The following GUCY1A2 variants were observed in gnomAD, a reference collection of about 807,000 sequenced individuals.
GUCY1A2 encodes the protein guanylate cyclase soluble subunit alpha-2.
GUCY1A2 carries 27 observed loss-of-function variants against 63.5 expected under a neutral mutation model. That is an observed-to-expected ratio of 0.43 (90% CI 0.31 to 0.59). The LOEUF is 0.59. GUCY1A2 is among the 20% of genes least tolerant of loss of function. GUCY1A2 has a pLI of 0.11. For synonymous variants in GUCY1A2, 364 were observed against 343.5 expected (o/e 1.06, Z -0.66); for missense variants, 768 against 913.3 (o/e 0.84, Z 2.05).
intron 6 of GUCY1A2, among the ~76,000 whole-genome samples, chr11:106,733,163 C>A (rs1340365627): frequency 6.6e-6 from 1 of 152,108 alleles, no homozygotes; most frequent in Non-Finnish European, 1.5e-5. Context: ...GTTTTTTAAA[C>A]TGCTGGTTGC....
chr11:106,742,766 T>C (rs901893913), intron 6 of GUCY1A2, among the ~76,000 whole-genome samples: 1 of 152,222 alleles, frequency 6.6e-6, no homozygotes, highest in African/African-American at 2.4e-5. Flanking sequence ...ATTGCCACAC[T>C]GTCTTCCACA....
intron 4 of GUCY1A2, among the ~76,000 whole-genome samples, chr11:106,816,732 G>C (rs544314434): frequency 4.5e-4 from 68 of 151,376 alleles, no homozygotes; most frequent in Middle Eastern, 3.4e-3. Flanking sequence ...TGACAGCTAA[G>C]TAAACAAAAA....
intron 4 of GUCY1A2, among the ~76,000 whole-genome samples, chr11:106,880,426 G>T (rs1044774392): frequency 1.3e-5 from 2 of 151,886 alleles, no homozygotes; most frequent in African/African-American, 4.8e-5. Flanking sequence ...GCCCACTGCC[G>T]CTGGACCACA....
chr11:106,734,049 T>C (rs1375593183), intron 6 of GUCY1A2, among the ~76,000 whole-genome samples: 1 of 152,146 alleles, frequency 6.6e-6, no homozygotes, highest in Admixed American at 6.5e-5. Context: ...AGACAAACTA[T>C]ACTGAGTTTC....
At chr11:107,017,677 C>T (rs1343950920) in intron 1 of GUCY1A2, 76 bp downstream of exon 1, 4 of 885,054 alleles carry the variant, frequency 4.5e-6, no homozygotes, top group Admixed American at 4.3e-5. Flanking sequence ...GCTCGCGCCC[C>T]GGCTCGCCCA....
Position 106,846,768 on chromosome 11 carries a change from G to T in GUCY1A2, c.1207-36290C>A, listed in dbSNP as rs1859278985. Among the ~76,000 whole-genome samples the T allele has an allele frequency of 2.6e-5, 4 of 151,326 alleles. No individual in the cohort carries two copies. In the South Asian group the frequency reaches 8.3e-4, roughly 31 times the overall value. On this transcript the variant is annotated intron_variant, in intron 4 of 7. Coordinates refer to ENST00000526355, the MANE Select transcript of GUCY1A2 (RefSeq NM_000855.3). Reference sequence around the variant, plus strand: ...TTTCCTCTTATTTTCCTAAACTAGAGAACTGAACAAATGAAATAGAAAATT... The same window carrying T: ...TTTCCTCTTATTTTCCTAAACTAGATAACTGAACAAATGAAATAGAAAATT...
chr11:106,704,794 T>C (rs1862878646), intron 7 of GUCY1A2, among the ~76,000 whole-genome samples: 1 of 151,848 alleles, frequency 6.6e-6, no homozygotes, highest in African/African-American at 2.4e-5. Context: ...TTCTGTTTTA[T>C]AGATCAGCAG....
At chr11:106,833,533 C>T (rs1341831959) in intron 4 of GUCY1A2, among the ~76,000 whole-genome samples, 2 of 152,122 alleles carry the variant, frequency 1.3e-5, no homozygotes, top group South Asian at 2.1e-4. Context: ...TACTATCTAC[C>T]GTACTATTTA....
intron 4 of GUCY1A2, among the ~76,000 whole-genome samples, chr11:106,891,878 C>A (rs61635490): frequency 1.3e-5 from 2 of 152,038 alleles, no homozygotes; most frequent in Admixed American, 6.6e-5. Context: ...TCTTAGCTAA[C>A]CTAAGCATTT....
At chr11:106,888,230 G>C (rs554063433) in intron 4 of GUCY1A2, among the ~76,000 whole-genome samples, 1 of 152,022 alleles carries the variant, frequency 6.6e-6, no homozygotes, top group Non-Finnish European at 1.5e-5. Flanking sequence ...AGGCCAAGGC[G>C]GGTGGATCAT....
intron 4 of GUCY1A2, chr11:106,827,850 A>C: frequency 6.2e-7 from 1 of 1,600,060 alleles, no homozygotes; most frequent in South Asian, 1.1e-5. Flanking sequence ...GCCGACCACC[A>C]TGAACTTCCC....
chr11:106,962,280 G>A (rs1053462902), intron 3 of GUCY1A2, among the ~76,000 whole-genome samples: 2 of 152,054 alleles, frequency 1.3e-5, no homozygotes, highest in African/African-American at 4.8e-5. Context: ...GGCTGGGTGT[G>A]GTGGCTCACG....
chr11:106,867,297 G>A (rs141474484), intron 4 of GUCY1A2, among the ~76,000 whole-genome samples: 3 of 152,166 alleles, frequency 2.0e-5, no homozygotes, highest in East Asian at 1.9e-4. Flanking sequence ...TCAGCCTGCT[G>A]TCACAATCTC....
At chr11:106,713,425 C>T (rs780510928) in intron 6 of GUCY1A2, among the ~76,000 whole-genome samples, 4 of 151,090 alleles carry the variant, frequency 2.6e-5, no homozygotes, top group Non-Finnish European at 5.9e-5. Flanking sequence ...AGCAGTATTC[C>T]TCTTAAACAA....
In GUCY1A2 at chr11:106,845,832, C is replaced by T. The variant is rs556250171; in HGVS notation, c.1207-35354G>A. ...AAAAGTTGTTGGAAAACGGTATGCTCATATGGTCTAAAGTGTCACCCTACA... is the reference window on the plus strand; with the variant it reads ...AAAAGTTGTTGGAAAACGGTATGCTTATATGGTCTAAAGTGTCACCCTACA... On this transcript the variant is annotated intron_variant, in intron 4 of 7. Transcript: ENST00000526355. Among the ~76,000 whole-genome samples, 36 of 151,712 alleles carry T rather than the reference C, an allele frequency of 2.4e-4. 3 individuals are homozygous for T. The South Asian group carries it at 7.3e-3, about 31-fold the overall frequency.
intron 6 of GUCY1A2, among the ~76,000 whole-genome samples, chr11:106,729,369 T>C (rs1005230523): frequency 1.3e-5 from 2 of 152,152 alleles, no homozygotes; most frequent in South Asian, 2.1e-4. Flanking sequence ...GTAAAAAGCA[T>C]TGCCAAATGA....
rs1019032467 is a variant in GUCY1A2, at chr11:106,684,920, A to T, written c.*2629T>A. On this transcript the variant is annotated 3_prime_UTR_variant, in exon 8 of 8. Coordinates refer to ENST00000526355, the MANE Select transcript of GUCY1A2 (RefSeq NM_000855.3). ...ACAATTCCTAAGAGAAGAGATGTAG[A>T]TGGCATTGTGTAGGACAAATAAAAA... The T allele has an allele frequency of 1.9e-4, 40 of 205,476 alleles. No homozygotes were observed. The highest frequency in any genetic ancestry group is 9.1e-4 in the African/African-American group (40 of 43,806). 12.7% of individuals were successfully genotyped at this position (205,476 alleles called of 1,614,324 possible). A position where few individuals can be genotyped will look rare whatever the true frequency, so the allele number is the denominator to read the frequency against.
chr11:107,002,153 G>A (rs1861619888), intron 1 of GUCY1A2, among the ~76,000 whole-genome samples: 1 of 152,032 alleles, frequency 6.6e-6, no homozygotes. Flanking sequence ...AGGAAAGAGA[G>A]CCAAGAAGCT....
intron 7 of GUCY1A2, among the ~76,000 whole-genome samples, chr11:106,701,158 C>G (rs1862810894): frequency 6.6e-6 from 1 of 152,090 alleles, no homozygotes; most frequent in Non-Finnish European, 1.5e-5. Flanking sequence ...AGCCTATATT[C>G]CCAGTAAATT....
Sources: gnomAD v4.1 joint callset for allele counts (sites outside exome capture counted in the v4.1 genomes callset) on GRCh38, gnomAD v4.1.1 for gene constraint, MANE v1.5 for transcripts, NCBI Gene and HGNC (gene_info 2026-07-23, HGNC 2026-07-21) for gene names.